Variants in C12orf50 observed in about 807,000 individuals in gnomAD.
C12orf50 encodes the protein zinc finger CCCH-type containing 11D, also known as uncharacterized protein C12orf50.
In C12orf50, 35 loss-of-function variants were observed where a neutral mutation model predicts 61.6. The ratio of observed to expected loss-of-function variants is 0.57; its 90% CI spans 0.43 to 0.75. The LOEUF is 0.75. Among genes scored for constraint, C12orf50 ranks in the 30% least tolerant of loss-of-function variants. The pLI is 0.00. For synonymous variants in C12orf50, 178 were observed against 161.5 expected, an observed-to-expected ratio of 1.10 and a Z score of -0.77; for missense variants, 475 against 488.5, an observed-to-expected ratio of 0.97 and a Z score of 0.26.
chr12:87,996,304 T>G, intron 6 of C12orf50, 70 bp downstream of exon 6: 3 of 1,041,470 alleles, frequency 2.9e-6, no homozygotes, highest in Non-Finnish European at 4.4e-6. Flanking sequence ...TACATCATAC[T>G]AAATAATTCA....
intron 1 of C12orf50, chr12:88,028,024 T>C (rs2032770808): frequency 6.6e-6 from 1 of 152,194 alleles, no homozygotes. Context: ...ACTTAACTCA[T>C]ACTCTCTGTG....
At chr12:87,992,240 G>C (rs558339233) in intron 7 of C12orf50, among the ~76,000 whole-genome samples, 176 of 152,250 alleles carry the variant, frequency 1.2e-3, no homozygotes, top group South Asian at 2.5e-3. Flanking sequence ...TACGATTTAA[G>C]ATTATAATCT....
At chr12:88,005,934 T>TTTG (rs1565752378) in intron 3 of C12orf50, among the ~76,000 whole-genome samples, 15 of 116,896 alleles carry the variant, frequency 1.3e-4, no homozygotes, top group Non-Finnish European at 2.1e-4. Flanking sequence ...TTTTTTTTTT[T>TTTG]GAGACGGAGT....
At chr12:87,994,334 T>C (rs1361940894) in intron 7 of C12orf50, among the ~76,000 whole-genome samples, 1 of 152,052 alleles carries the variant, frequency 6.6e-6, no homozygotes, top group African/African-American at 2.4e-5. Context: ...CTGAATTCAT[T>C]ATAGTCTGGA....
chr12:87,994,059 G>T (rs2031262321), intron 7 of C12orf50, among the ~76,000 whole-genome samples: 1 of 151,970 alleles, frequency 6.6e-6, no homozygotes, highest in Admixed American at 6.6e-5. Context: ...AATTAGCCGG[G>T]TGTGGTGGCA....
chr12:87,984,393 T>G (rs193053113), intron 11 of C12orf50: 3 of 152,232 alleles, frequency 2.0e-5, no homozygotes, highest in Non-Finnish European at 4.4e-5. Context: ...CTAAATGTAA[T>G]AAAAATTTTG....
intron 1 of C12orf50, among the ~76,000 whole-genome samples, chr12:88,028,767 CT>C (rs1389717662): frequency 2.0e-5 from 3 of 152,004 alleles, no homozygotes; most frequent in Admixed American, 2.0e-4. Flanking sequence ...AATTTAATGT[CT>C]CAAGGTGTCA....
At chr12:88,014,463 G>A (rs1215621714) in intron 3 of C12orf50, among the ~76,000 whole-genome samples, 1 of 152,000 alleles carries the variant, frequency 6.6e-6, no homozygotes, top group Non-Finnish European at 1.5e-5. Context: ...CACTACGTCC[G>A]GCTAATTTTT....
chr12:87,986,240 G>T, intron 10 of C12orf50, 72 bp downstream of exon 10: 1 of 1,295,250 alleles, frequency 7.7e-7, no homozygotes, highest in Non-Finnish European at 1.1e-6. Context: ...TTGTTTTTCA[G>T]GTAGAAGATA....
chr12:88,004,378 T>C (rs1329475570), intron 3 of C12orf50, among the ~76,000 whole-genome samples: 2 of 152,108 alleles, frequency 1.3e-5, no homozygotes, highest in Non-Finnish European at 2.9e-5. Context: ...ATGGCTATTA[T>C]TAAAAAGCTA....
Position 88,016,204 on chromosome 12 carries a change from C to A in C12orf50, c.133+10284G>T, listed in dbSNP as rs112182908. Among the ~76,000 whole-genome samples the A allele has an allele frequency of 5.9e-5, 9 of 152,210 alleles. 1 individual carries two copies. The highest frequency in any genetic ancestry group is 2.2e-4 in the African/African-American group (9 of 41,544). ...CTTATTTTAACCTGAGACAAAATTA[C>A]ACACATTTGTACAATGCTCTGTATG... On this transcript the variant is annotated intron_variant, in intron 3 of 12. Transcript: ENST00000298699.
At chr12:88,026,685 C>T (rs1335974657) in intron 2 of C12orf50, 77 bp from the exon 3 acceptor site, 1 of 1,523,664 alleles carries the variant, frequency 6.6e-7, no homozygotes, top group African/African-American at 1.4e-5. Flanking sequence ...TACAATACAG[C>T]ACAAGGACAC....
In C12orf50 at chr12:87,998,145, G is replaced by A. The variant is rs866795642; in HGVS notation, c.179C>T (p.Ser60Phe). ...KEIQEGIPLQ[S>F]QSQEPLKPQE... ...AGGTTTCAGAGGTTCTTGACTCTGG[G>A]ACTGGAGTGGAATTCCTTCCTGAAT... Residue 60 changes from serine (S) to phenylalanine (F), a missense_variant, in exon 4 of 13, where the codon TCC becomes TTC. Coordinates refer to ENST00000298699, the MANE Select transcript of C12orf50 (RefSeq NM_152589.3). The A allele has an allele frequency of 2.5e-5, 40 of 1,612,294 alleles. No individual in the cohort carries two copies. The highest frequency in any genetic ancestry group is 3.2e-5 in the Non-Finnish European group (38 of 1,178,822).
intron 8 of C12orf50, 86 bp downstream of exon 8, chr12:87,989,178 C>A: frequency 1.1e-6 from 1 of 893,700 alleles, no homozygotes; most frequent in Admixed American, 2.2e-5. Flanking sequence ...ATTACCATTC[C>A]TCTATTGGTT....
At chr12:88,026,436 C>T (rs994008919) in intron 3 of C12orf50, 52 bp downstream of exon 3, 30 of 1,580,618 alleles carry the variant, frequency 1.9e-5, no homozygotes, top group Non-Finnish European at 2.5e-5. Flanking sequence ...GCTGCTAGTC[C>T]AAAACCAGAT....
At chr12:87,986,785 T>G (rs1208658019) in intron 9 of C12orf50, among the ~76,000 whole-genome samples, 1 of 152,188 alleles carries the variant, frequency 6.6e-6, no homozygotes, top group African/African-American at 2.4e-5. Flanking sequence ...ATGAATTTTT[T>G]GTACTTTTTT....
At chr12:88,015,051 T>C (rs112104379) in intron 3 of C12orf50, among the ~76,000 whole-genome samples, 3 of 152,098 alleles carry the variant, frequency 2.0e-5, no homozygotes, top group African/African-American at 7.2e-5. Flanking sequence ...AAGCAGTATG[T>C]AGTCAGGATA....
intron 3 of C12orf50, among the ~76,000 whole-genome samples, chr12:88,025,046 C>T (rs1030203887): frequency 3.3e-5 from 5 of 151,498 alleles, no homozygotes; most frequent in East Asian, 1.9e-4. Context: ...ATTATTGCAA[C>T]GGGAAAAAAA....
intron 1 of C12orf50, among the ~76,000 whole-genome samples, chr12:88,028,523 T>C (rs1482292906): frequency 6.6e-6 from 1 of 152,326 alleles, no homozygotes; most frequent in Admixed American, 6.5e-5. Flanking sequence ...GTTTAATTTA[T>C]ATGTGGCCAA....
Sources: allele counts gnomAD v4.1 joint callset (sites outside exome capture counted in the v4.1 genomes callset), GRCh38; gene constraint gnomAD v4.1.1; transcripts MANE v1.5; gene names NCBI Gene and HGNC (gene_info 2026-07-23, HGNC 2026-07-21).